Variants in SRRD observed in about 807,000 individuals in gnomAD.
SRRD encodes SRR1-like protein.
Under a neutral mutation model 30.7 loss-of-function variants are expected in SRRD, and 28 were observed. The observed-to-expected ratio is 0.91, with a 90% CI of 0.68 to 1.25. The LOEUF (loss-of-function observed/expected upper bound fraction) is 1.25, where lower values mean the gene tolerates loss of function less well. SRRD is among the 50% of genes most tolerant of loss of function. The pLI, the probability that SRRD is intolerant of heterozygous loss-of-function variation, is 0.00. For missense variants in SRRD, 415 were observed against 417.3 expected, an observed-to-expected ratio of 0.99 and a Z score of 0.05; for synonymous variants, 161 against 159.6, an observed-to-expected ratio of 1.01 and a Z score of -0.07.
rs138330843 is a variant in SRRD at position 26,489,531 on chromosome 22, G to C, written c.610-513G>C. ...AACACAAGGGAAGCTGCAAGGAGAG[G>C]AGAGGCAGGCCAGAGGTGGGCAAGG... On this transcript the variant is annotated intron_variant, in intron 4 of 6. Transcript: ENST00000215917. 7.4e-3 allele frequency among the ~76,000 whole-genome samples: 1,130 copies of C among 152,118 alleles called. 10 individuals carry two copies. The highest frequency in any genetic ancestry group is 0.012 in the Non-Finnish European group (819 of 67,978).
Position 26,486,013 on chromosome 22 carries a change from TTC to T in SRRD, c.210-7_210-6del. The T allele has an allele frequency of 6.2e-7, 1 of 1,614,216 alleles. No homozygotes were observed. Among genetic ancestry groups the T allele is most frequent in the Non-Finnish European group, 8.5e-7 (1 of 1,180,024 alleles). On this transcript the variant is annotated splice_region_variant and splice_polypyrimidine_tract_variant and intron_variant, in intron 1 of 6. Coordinates refer to ENST00000215917, the MANE Select transcript of SRRD (RefSeq NM_001013694.3). ...GTGGGACATGACTGTGCCATTTTTT[TTC>T]TCAACAGGAAGGACCTGTTTATCTC...
intron 6 of SRRD, 154 bp downstream of exon 6, chr22:26,491,224 C>G: frequency 1.3e-6 from 1 of 798,984 alleles, no homozygotes; most frequent in Non-Finnish European, 2.0e-6. Context: ...AAAGCTATGA[C>G]TCTTTAATGC....
intron 5 of SRRD, chr22:26,490,716 A>G: frequency 3.2e-6 from 1 of 315,006 alleles, no homozygotes; most frequent in Non-Finnish European, 6.0e-6. Context: ...GATGCACACC[A>G]GGACGCCCGG....
At chr22:26,486,844 C>A (rs1402924439) in intron 2 of SRRD, among the ~76,000 whole-genome samples, 1 of 150,268 alleles carries the variant, frequency 6.7e-6, no homozygotes, top group Non-Finnish European at 1.5e-5. Flanking sequence ...TTCACCAATT[C>A]TTTTATCAAA....
chr22:26,483,904 CA>C lies in SRRD; in HGVS notation c.15del (p.Ala6LeufsTer78). On this transcript the variant is annotated frameshift_variant, in exon 1 of 7. Transcript: ENST00000215917. LOFTEE classifies it high-confidence loss of function. ...CGTCAGAGACCAATGGCTGCGGCCG[CA>C]GCTGCGGCGCTGGAATCCTGGCAGG... MAAA[A>X]AAALESWQAA... is the part of the protein sequence containing the mutation. 1.5e-6 allele frequency: 2 copies of C among 1,348,290 alleles called. No homozygotes were observed. Among genetic ancestry groups the C allele is most frequent in the Non-Finnish European group, 1.9e-6 (2 of 1,060,006 alleles). 83.5% of individuals were successfully genotyped at this position (1,348,290 alleles called of 1,614,324 possible). A position where few individuals can be genotyped will look rare whatever the true frequency, so the allele number is the denominator to read the frequency against.
Position 26,494,320 on chromosome 22 carries a change from A to G in SRRD, c.*2648A>G, listed in dbSNP as rs1346254236. 1.9e-6 allele frequency: 3 copies of G among 1,614,198 alleles called. No individual in the cohort carries two copies. Among genetic ancestry groups the G allele is most frequent in the Non-Finnish European group, 2.5e-6 (3 of 1,180,028 alleles). On this transcript the variant is annotated 3_prime_UTR_variant, in exon 7 of 7. Transcript: ENST00000215917. ...AGCACAGCACCTGCCAAAAAGAAAA[A>G]TTACTTGCATCCATCGTGGCAACAA...
Position 26,491,555 on chromosome 22 carries a change from A to G in SRRD, c.903A>G (p.Gln301=). 1 of 1,614,190 alleles carries G rather than the reference A, an allele frequency of 6.2e-7. No homozygotes were observed. Among genetic ancestry groups the G allele is most frequent in the Non-Finnish European group, 8.5e-7 (1 of 1,180,016 alleles). ...NDTSVHWFPV[Q]KLEQLSIDIW... Reference sequence around the variant, plus strand: ...CCTCTGTCCACTGGTTCCCTGTGCAAAAGCTAGAACAGCTCTCCATAGATA... The same window carrying G: ...CCTCTGTCCACTGGTTCCCTGTGCAGAAGCTAGAACAGCTCTCCATAGATA... The change falls in exon 7 of 7, where the codon CAA becomes CAG. Residue 301 remains glutamine, a synonymous_variant. Coordinates refer to ENST00000215917, the MANE Select transcript of SRRD (RefSeq NM_001013694.3).
In SRRD at chr22:26,486,064, G is replaced by C; in HGVS notation, c.250+1G>C. On this transcript the variant is annotated splice_donor_variant, in intron 2 of 6. Coordinates refer to ENST00000215917, the MANE Select transcript of SRRD (RefSeq NM_001013694.3). LOFTEE classifies it high-confidence loss of function. The stretch of plus-strand genomic sequence containing the variant: ...TCTGATTTCTGGAGTTCAGCACTAG[G>C]TGGGTACCACTTGGCCAATGGTAGG... The C allele has an allele frequency of 6.2e-7, 1 of 1,614,190 alleles. No homozygotes were observed. Among genetic ancestry groups the C allele is most frequent in the Non-Finnish European group, 8.5e-7 (1 of 1,180,022 alleles).
chr22:26,488,690 T>TA (rs1407033201), intron 4 of SRRD, among the ~76,000 whole-genome samples: 1 of 152,240 alleles, frequency 6.6e-6, no homozygotes, highest in Non-Finnish European at 1.5e-5. Context: ...AGAAAAAAAT[T>TA]ACACAGATAG....
chr22:26,490,961 CTA>C (rs759850283), intron 5 of SRRD, 62 bp from the exon 6 acceptor site: 189 of 1,439,308 alleles, frequency 1.3e-4, no homozygotes, highest in Non-Finnish European at 1.8e-4. Context: ...TTGAATGAAA[CTA>C]TCCTCATACC....
intron 6 of SRRD, 48 bp downstream of exon 6, chr22:26,491,118 T>TGC: frequency 6.4e-7 from 1 of 1,574,162 alleles, no homozygotes; most frequent in East Asian, 2.2e-5. Context: ...TGTGAAACTG[T>TGC]GAAGAATTCT....
rs758342275 is a variant in SRRD, at chr22:26,492,017, T to C, written c.*345T>C. The C allele has an allele frequency of 2.5e-5, 40 of 1,592,660 alleles. No individual in the cohort carries two copies. Among genetic ancestry groups the C allele is most frequent in the Non-Finnish European group, 3.1e-5 (36 of 1,169,542 alleles). On this transcript the variant is annotated 3_prime_UTR_variant, in exon 7 of 7. Transcript: ENST00000215917. ...TGGTTCTGGACCTGCCACAGTTCAC[T>C]TGGCCATGTCGATCAGGCTCTGCAG...
intron 2 of SRRD, among the ~76,000 whole-genome samples, chr22:26,486,497 T>C (rs540415101): frequency 6.6e-6 from 1 of 152,306 alleles, no homozygotes; most frequent in South Asian, 2.1e-4. Context: ...GTGGGACATT[T>C]AGTTTTCTTC....
Position 26,492,882 on chromosome 22 carries a change from T to TGAGGGGTATATTCAGG in SRRD, c.*1213_*1228dup, listed in dbSNP as rs1234660870. The TGAGGGGTATATTCAGG allele has an allele frequency of 6.3e-6, 1 of 158,548 alleles. No homozygotes were observed. Among genetic ancestry groups the TGAGGGGTATATTCAGG allele is most frequent in the African/African-American group, 2.4e-5 (1 of 41,432 alleles). 9.8% of individuals were successfully genotyped at this position (158,548 alleles called of 1,614,324 possible). ...AAGACCATAAATGCTAAGTGCTAAT[T>TGAGGGGTATATTCAGG]GAGGGGTATATTCAGGGAACAGTTT... On this transcript the variant is annotated 3_prime_UTR_variant, in exon 7 of 7. Transcript: ENST00000215917.
chr22:26,484,430 T>C (rs2091647188), intron 1 of SRRD, among the ~76,000 whole-genome samples: 2 of 152,366 alleles, frequency 1.3e-5, no homozygotes, highest in South Asian at 4.1e-4. Flanking sequence ...AACCATTTTC[T>C]GGCACGTGGT....
At chr22:26,484,460 G>C (rs936710444) in intron 1 of SRRD, among the ~76,000 whole-genome samples, 1 of 152,202 alleles carries the variant, frequency 6.6e-6, no homozygotes, top group Non-Finnish European at 1.5e-5. Context: ...GCCAGTGTTT[G>C]CTATTAATAT....
chr22:26,490,550 G>T lies in SRRD; in HGVS notation c.764+352G>T, dbSNP rs537184382. On this transcript the variant is annotated intron_variant, in intron 5 of 6. Transcript: ENST00000215917. ...CTTGATGAAATGGGCACAATTACTG[G>T]AATATTTGCTTTTTTTTTTTTTTTT... Among the ~76,000 whole-genome samples, 32 of 64,710 alleles carry T rather than the reference G, an allele frequency of 4.9e-4. 1 individual carries two copies. In the South Asian group the frequency reaches 0.016, roughly 33 times the overall value. The allele number at this position is 64,710 out of a possible 152,430, so 42.5% of individuals were successfully genotyped here. A position where few individuals can be genotyped will look rare whatever the true frequency, so the allele number is the denominator to read the frequency against.
Position 26,491,728 on chromosome 22 carries a change from AG to A in SRRD, c.*59del. 1 of 1,490,662 alleles carries A rather than the reference AG, an allele frequency of 6.7e-7. No homozygotes were observed. The highest frequency in any genetic ancestry group is 1.2e-5 in the South Asian group (1 of 86,612). The allele number at this position is 1,490,662 out of a possible 1,614,324, so 92.3% of individuals were successfully genotyped here. A position where few individuals can be genotyped will look rare whatever the true frequency, so the allele number is the denominator to read the frequency against. ...GGTAGAAGCTGCCACCAGAGACTAA[AG>A]GGAAGGCTGCTATGGAGGAACTACA... is the stretch of plus-strand genomic sequence containing the variant. On this transcript the variant is annotated 3_prime_UTR_variant, in exon 7 of 7. Coordinates refer to ENST00000215917, the MANE Select transcript of SRRD (RefSeq NM_001013694.3).
intron 5 of SRRD, 101 bp downstream of exon 5, chr22:26,490,299 G>A: frequency 7.6e-7 from 1 of 1,322,110 alleles, no homozygotes; most frequent in African/African-American, 1.5e-5. Flanking sequence ...TTCCATACTG[G>A]GGAAATGCTT....
Sources: allele counts gnomAD v4.1 joint callset (sites outside exome capture counted in the v4.1 genomes callset), GRCh38; gene constraint gnomAD v4.1.1; transcripts MANE v1.5; gene names NCBI Gene and HGNC (gene_info 2026-07-23, HGNC 2026-07-21).